Variants in SBNO1 observed in about 807,000 individuals in gnomAD.
SBNO1 encodes the protein strawberry notch homolog 1, also known as protein strawberry notch homolog 1.
A neutral mutation model predicts 173.6 loss-of-function variants in SBNO1; 23 were observed. That is an observed-to-expected ratio of 0.13 (90% confidence interval 0.10 to 0.19). The LOEUF is 0.19. Ranked by LOEUF, SBNO1 falls within the 10% of genes least tolerant of loss-of-function variation. The pLI is 1.00. For synonymous variants in SBNO1, 632 were observed against 571.5 expected (o/e 1.11, Z -1.51); for missense variants, 1,238 against 1,671.2 (o/e 0.74, Z 4.52).
chr12:123,347,664 G>A (rs1026950968), intron 3 of SBNO1, among the ~76,000 whole-genome samples: 2 of 152,058 alleles, frequency 1.3e-5, no homozygotes, highest in Non-Finnish European at 2.9e-5. Context: ...AAGTAGCTAT[G>A]ACTATAGGCG....
chr12:123,328,878 A>C lies in SBNO1; in HGVS notation c.1152T>G (p.Ile384Met), dbSNP rs765069915. The change falls in exon 10 of 32, where the codon ATT becomes ATG. Residue 384 changes from isoleucine (I) to methionine (M), a missense_variant. Transcript: ENST00000602398. Reference protein sequence around the residue: ...HSLNKFKYGKISSKHNGSVKK... With the variant: ...HSLNKFKYGKMSSKHNGSVKK... Reference sequence around the variant, plus strand: ...TCACACTCCCATTATGTTTGGAAGAAATTTTTCCGTATTTAAACTAAAAAA... The same window carrying C: ...TCACACTCCCATTATGTTTGGAAGACATTTTTCCGTATTTAAACTAAAAAA... The C allele has an allele frequency of 1.8e-5, 28 of 1,560,758 alleles. No homozygotes were observed. The highest frequency in any genetic ancestry group is 2.3e-5 in the Non-Finnish European group (26 of 1,147,800).
rs766390149 is a variant in SBNO1 at position 123,325,492 on chromosome 12, A to C, written c.1973+10T>G. ...AAGAAACAAAAACATTAAAAGAACAAAAACATTACTTGGCAGTTGAAACAA... is the reference window on the plus strand; with the variant it reads ...AAGAAACAAAAACATTAAAAGAACACAAACATTACTTGGCAGTTGAAACAA... On this transcript the variant is annotated intron_variant, in intron 15 of 31. Transcript: ENST00000602398. 32 of 1,585,066 alleles carry C rather than the reference A, an allele frequency of 2.0e-5. No homozygotes were observed. Among genetic ancestry groups the C allele is most frequent in the Non-Finnish European group, 2.6e-5 (30 of 1,154,814 alleles).
chr12:123,348,437 C>T (rs1367158142), intron 2 of SBNO1, among the ~76,000 whole-genome samples: 2 of 151,996 alleles, frequency 1.3e-5, no homozygotes, highest in African/African-American at 2.4e-5. Flanking sequence ...GCCTGTCCAA[C>T]ATGGTGAAAC....
intron 2 of SBNO1, 34 bp from the exon 3 acceptor site, chr12:123,348,167 A>G (rs112452549): frequency 8.8e-7 from 1 of 1,132,472 alleles, no homozygotes; most frequent in Non-Finnish European, 1.3e-6. Flanking sequence ...AAAAAATAAA[A>G]GGACAGCAGT....
chr12:123,364,058 T>C, intron 1 of SBNO1: 1 of 985,356 alleles, frequency 1.0e-6, no homozygotes, highest in South Asian at 4.7e-5. Context: ...TCTTAGGGTC[T>C]GGGAGGTGAG....
intron 31 of SBNO1, among the ~76,000 whole-genome samples, chr12:123,297,188 C>G (rs1164206455): frequency 6.6e-6 from 1 of 150,716 alleles, no homozygotes; most frequent in African/African-American, 2.4e-5. Context: ...GGTGAAAACC[C>G]ATCTCCACTA....
At chr12:123,364,360 G>C (rs1875836652) in intron 1 of SBNO1, 1 of 985,150 alleles carries the variant, frequency 1.0e-6, no homozygotes, top group South Asian at 4.7e-5. Context: ...GGCGAACCCA[G>C]CGGAGCCGGC....
At chr12:123,297,826 T>A in intron 31 of SBNO1, 152 bp downstream of exon 31, 1 of 686,236 alleles carries the variant, frequency 1.5e-6, no homozygotes, top group East Asian at 2.7e-5. Flanking sequence ...TTAACTTCTG[T>A]TCAACCTTGT....
At chr12:123,340,839 A>G in intron 5 of SBNO1, 149 bp downstream of exon 5, 4 of 607,436 alleles carry the variant, frequency 6.6e-6, no homozygotes, top group Non-Finnish European at 1.1e-5. Context: ...TACTCCAGCG[A>G]GGTTTAAGCA....
intron 31 of SBNO1, among the ~76,000 whole-genome samples, chr12:123,297,491 C>A (rs1002546652): frequency 1.4e-5 from 2 of 143,970 alleles, no homozygotes; most frequent in African/African-American, 5.0e-5. Context: ...CTGCTGTAAG[C>A]GAAACCAAGA....
In SBNO1 at chr12:123,345,286, A is replaced by G. The variant is rs751180597; in HGVS notation, c.522T>C (p.Asn174=). 1.9e-6 allele frequency: 3 copies of G among 1,614,158 alleles called. No individual in the cohort carries two copies. Among genetic ancestry groups the G allele is most frequent in the Non-Finnish European group, 2.5e-6 (3 of 1,179,982 alleles). The stretch of plus-strand genomic sequence containing the variant: ...CTGCTGTTGCTACTGGCTGAGCAAT[A>G]TTAGCAGGTGGCTTTAGTTTCATCA... ...NELMKLKPPA[N]IAQPVATAAT... Residue 174 remains asparagine (N), a synonymous_variant, in exon 4 of 32, where the codon AAT becomes AAC. Transcript: ENST00000602398.
chr12:123,309,948 A>T (rs1057257594), intron 25 of SBNO1, 92 bp from the exon 26 acceptor site: 1 of 993,480 alleles, frequency 1.0e-6, no homozygotes, highest in African/African-American at 1.6e-5. Context: ...TTTCTCTTCT[A>T]AAAGTCTTCC....
rs1245183401 is a variant in SBNO1 at position 123,321,648 on chromosome 12, G to C, written c.2210C>G (p.Ser737Cys). Residue 737 changes from serine to cysteine, a missense_variant, in exon 17 of 32, where the codon TCT becomes TGT. Ser to Cys is a moderately radical substitution (Grantham distance 112, BLOSUM62 -1). This residue lies in a region of SBNO1 where 81 missense variants were observed against 82.6 expected (regional missense o/e 0.98). Coordinates refer to ENST00000602398, the MANE Select transcript of SBNO1 (RefSeq NM_001167856.3). ...GSSSDDSGSE[S>C]DASDNEESDY... Reference sequence around the variant, plus strand: ...ACTTTCTTCATTATCAGAGGCATCAGATTCACTTCCACTGTCGTCAGAACT... The same window carrying C: ...ACTTTCTTCATTATCAGAGGCATCACATTCACTTCCACTGTCGTCAGAACT... The C allele has an allele frequency of 6.2e-7, 1 of 1,613,986 alleles. No homozygotes were observed. The highest frequency in any genetic ancestry group is 2.2e-5 in the East Asian group (1 of 44,866).
chr12:123,299,117 CCAG>C (rs1345236403), intron 30 of SBNO1, among the ~76,000 whole-genome samples: 1 of 151,320 alleles, frequency 6.6e-6, no homozygotes, highest in Non-Finnish European at 1.5e-5. Flanking sequence ...GCCTGTAATC[CCAG>C]CACTTTGGGA....
chr12:123,364,161 C>A, intron 1 of SBNO1: 1 of 985,568 alleles, frequency 1.0e-6, no homozygotes, highest in Non-Finnish European at 1.2e-6. Flanking sequence ...GCCCCAAGAG[C>A]GGGGCATGTA....
intron 1 of SBNO1, 81 bp from the exon 2 acceptor site, chr12:123,350,522 A>T: frequency 8.9e-7 from 1 of 1,122,600 alleles, no homozygotes. Context: ...AAACAATCCA[A>T]CAATCTCTAT....
chr12:123,298,290 G>C (rs2048671649), intron 30 of SBNO1, 119 bp from the exon 31 acceptor site: 2 of 1,058,228 alleles, frequency 1.9e-6, no homozygotes, highest in East Asian at 2.8e-5. Context: ...TGTTGAGATG[G>C]AGTTTTGCTC....
At chr12:123,321,895 T>C (rs986248580) in intron 16 of SBNO1, among the ~76,000 whole-genome samples, 163 bp from the exon 17 acceptor site, 1 of 152,220 alleles carries the variant, frequency 6.6e-6, no homozygotes, top group Non-Finnish European at 1.5e-5. Flanking sequence ...ACTAACCTTT[T>C]GGACTCCCAT....
At chr12:123,351,769 AAAG>A (rs1471316456) in intron 1 of SBNO1, among the ~76,000 whole-genome samples, 4 of 152,212 alleles carry the variant, frequency 2.6e-5, no homozygotes, top group Non-Finnish European at 4.4e-5. Flanking sequence ...GGGCAGAGAG[AAAG>A]AAGGGGAAAT....
Sources: allele counts gnomAD v4.1 joint callset (sites outside exome capture counted in the v4.1 genomes callset), GRCh38; gene constraint gnomAD v4.1.1; regional missense constraint gnomAD v4.1.1; transcripts MANE v1.5; gene names NCBI Gene and HGNC (gene_info 2026-07-23, HGNC 2026-07-21).